The following EFCAB11 variants were observed in gnomAD, a reference collection of about 807,000 sequenced individuals.
The protein encoded by EFCAB11 is EF-hand calcium binding domain 11, also known as EF-hand calcium-binding domain-containing protein 11.
EFCAB11 carries 14 observed loss-of-function variants against 23.0 expected under a neutral mutation model. The ratio of observed to expected loss-of-function variants is 0.61; its 90% CI spans 0.40 to 0.95. The LOEUF (loss-of-function observed/expected upper bound fraction) is 0.95. Ranked by LOEUF, EFCAB11 falls within the 40% of genes least tolerant of loss-of-function variation. The pLI is 0.00. For missense variants in EFCAB11, 198 were observed against 195.8 expected, an observed-to-expected ratio of 1.01 and a Z score of -0.07; for synonymous variants, 65 against 66.6, an observed-to-expected ratio of 0.98 and a Z score of 0.11.
rs1885577236 is a variant in EFCAB11, at chr14:89,796,473, A to T, written c.*770T>A. 1 of 151,762 alleles carries T rather than the reference A, an allele frequency of 6.6e-6. No individual in the cohort carries two copies. Among genetic ancestry groups the T allele is most frequent in the Non-Finnish European group, 1.5e-5 (1 of 67,964 alleles). 9.4% of individuals were successfully genotyped at this position (151,762 alleles called of 1,614,324 possible). On this transcript the variant is annotated 3_prime_UTR_variant, in exon 6 of 6. Transcript: ENST00000316738. ...AGGTACACACCACTAAATCCAGATA[A>T]TTTTTTATTATTAATTTTTTGGTAG...
intron 3 of EFCAB11, among the ~76,000 whole-genome samples, chr14:89,943,838 C>T (rs753694143): frequency 1.3e-5 from 2 of 152,124 alleles, no homozygotes; most frequent in Non-Finnish European, 2.9e-5. Context: ...AACACACACA[C>T]ACACACACAT....
At chr14:89,814,688 G>C (rs1886271302) in intron 5 of EFCAB11, among the ~76,000 whole-genome samples, 1 of 149,878 alleles carries the variant, frequency 6.7e-6, no homozygotes, top group Non-Finnish European at 1.5e-5. Context: ...TGGGCAACAA[G>C]AGCGAAACTC....
intron 5 of EFCAB11, among the ~76,000 whole-genome samples, chr14:89,823,185 A>G (rs999347031): frequency 6.6e-6 from 1 of 152,160 alleles, no homozygotes; most frequent in Non-Finnish European, 1.5e-5. Flanking sequence ...AATATGACAT[A>G]CCATTGTTGC....
rs1890339619 is a variant in EFCAB11, at chr14:89,930,128, A to G, written c.410+1413T>C. ...AAAATCAGCTAAGTAATGTTTTCCC[A>G]TAAGCATTTTGTATGCATCTGGCTT... On this transcript the variant is annotated intron_variant, in intron 5 of 5. Coordinates refer to ENST00000316738, the MANE Select transcript of EFCAB11 (RefSeq NM_145231.4). Among the ~76,000 whole-genome samples the G allele has an allele frequency of 1.3e-5, 2 of 152,238 alleles. 1 individual carries two copies. The highest frequency in any genetic ancestry group is 4.1e-4 in the South Asian group (2 of 4,838).
intron 2 of EFCAB11, among the ~76,000 whole-genome samples, chr14:89,951,633 C>G (rs1053974948): frequency 1.3e-5 from 2 of 151,864 alleles, no homozygotes; most frequent in African/African-American, 4.8e-5. Context: ...TATGGGTGGG[C>G]ACAGTAGCTT....
At chr14:89,813,894 T>C (rs1886235890) in intron 5 of EFCAB11, among the ~76,000 whole-genome samples, 1 of 152,286 alleles carries the variant, frequency 6.6e-6, no homozygotes, top group South Asian at 2.1e-4. Context: ...GAAACAACCG[T>C]GCTTGACTTC....
At chr14:89,858,323 A>C (rs951904670) in intron 5 of EFCAB11, among the ~76,000 whole-genome samples, 3 of 152,182 alleles carry the variant, frequency 2.0e-5, no homozygotes, top group Non-Finnish European at 4.4e-5. Flanking sequence ...TCGTGAGAGG[A>C]CATGAACTAG....
At chr14:89,954,478 C>A (rs1891357965) in intron 1 of EFCAB11, 108 bp downstream of exon 1, 4 of 1,545,478 alleles carry the variant, frequency 2.6e-6, no homozygotes, top group Non-Finnish European at 3.5e-6. Flanking sequence ...GACAGGCAGC[C>A]CAGGTCTTAT....
chr14:89,864,192 A>G (rs1248721645), intron 5 of EFCAB11, among the ~76,000 whole-genome samples: 1 of 152,156 alleles, frequency 6.6e-6, no homozygotes, highest in Non-Finnish European at 1.5e-5. Flanking sequence ...GCTCAAATGC[A>G]CTCCCTTTAA....
intron 5 of EFCAB11, among the ~76,000 whole-genome samples, chr14:89,808,519 T>C (rs1886048068): frequency 1.3e-5 from 2 of 152,158 alleles, no homozygotes; most frequent in Admixed American, 6.5e-5. Flanking sequence ...GAAAATAAGA[T>C]TTTACATCTC....
chr14:89,825,003 T>A (rs1481910421), intron 5 of EFCAB11, among the ~76,000 whole-genome samples: 1 of 151,220 alleles, frequency 6.6e-6, no homozygotes, highest in East Asian at 1.9e-4. Context: ...TCAACCAACT[T>A]GACCTAGCTG....
At chr14:89,797,356 T>C in intron 5 of EFCAB11, 32 bp from the exon 6 acceptor site, 1 of 1,595,004 alleles carries the variant, frequency 6.3e-7, no homozygotes. Context: ...CATTTACACA[T>C]TATTCTCGTT....
chr14:89,811,548 T>C (rs1487477210), intron 5 of EFCAB11, among the ~76,000 whole-genome samples: 1 of 152,060 alleles, frequency 6.6e-6, no homozygotes, highest in Non-Finnish European at 1.5e-5. Context: ...GTGGGGCCAA[T>C]GTAATCTTAG....
chr14:89,944,173 G>A (rs577417982), intron 3 of EFCAB11, among the ~76,000 whole-genome samples: 2 of 152,354 alleles, frequency 1.3e-5, no homozygotes, highest in Non-Finnish European at 2.9e-5. Context: ...AGTTCCACAC[G>A]GCTGGGGAGC....
At chr14:89,888,569 C>T (rs928668842) in intron 5 of EFCAB11, among the ~76,000 whole-genome samples, 5 of 152,188 alleles carry the variant, frequency 3.3e-5, no homozygotes, top group African/African-American at 1.2e-4. Context: ...AACATGAAGA[C>T]AGCACCAAGC....
intron 5 of EFCAB11, among the ~76,000 whole-genome samples, chr14:89,910,749 A>C (rs1300167438): frequency 6.6e-6 from 1 of 152,146 alleles, no homozygotes; most frequent in African/African-American, 2.4e-5. Context: ...TGCCAGCTTC[A>C]CTCGGAAGAC....
chr14:89,897,035 C>T (rs1370064017), intron 5 of EFCAB11, among the ~76,000 whole-genome samples: 1 of 151,654 alleles, frequency 6.6e-6, no homozygotes, highest in Non-Finnish European at 1.5e-5. Flanking sequence ...CCGCTAAACA[C>T]ATTTTAAATG....
At chr14:89,935,349 C>CAAG (rs10654524) in intron 3 of EFCAB11, among the ~76,000 whole-genome samples, 9,460 of 150,224 alleles carry the variant, frequency 0.063, 949 homozygotes, top group African/African-American at 0.22. Context: ...TAATAACAAA[C>CAAG]AAGATGTTAT....
chr14:89,826,571 G>T (rs1398596839), intron 5 of EFCAB11, among the ~76,000 whole-genome samples: 3 of 152,152 alleles, frequency 2.0e-5, no homozygotes, highest in Non-Finnish European at 4.4e-5. Context: ...GGGAGAGCAG[G>T]AAGCTGTCGC....
Sources: allele counts gnomAD v4.1 joint callset (sites outside exome capture counted in the v4.1 genomes callset), GRCh38; gene constraint gnomAD v4.1.1; transcripts MANE v1.5; gene names NCBI Gene and HGNC (gene_info 2026-07-23, HGNC 2026-07-21).